Variants in KCNIP1 observed in about 807,000 individuals in gnomAD.
KCNIP1 encodes A-type potassium channel modulatory protein KCNIP1.
In KCNIP1, 18 loss-of-function variants were observed where a neutral mutation model predicts 33.0. The ratio of observed to expected loss-of-function variants is 0.55; its 90% CI spans 0.38 to 0.81. KCNIP1 has a LOEUF of 0.81. Ranked by LOEUF, KCNIP1 falls within the 30% of genes least tolerant of loss-of-function variation. The pLI, the probability that KCNIP1 is intolerant of heterozygous loss-of-function variation, is 0.00. For synonymous variants in KCNIP1, 93 were observed against 98.3 expected, an observed-to-expected ratio of 0.95 and a Z score of 0.32; for missense variants, 238 against 271.6, an observed-to-expected ratio of 0.88 and a Z score of 0.87.
chr5:170,626,693 T>G (rs530900925), intron 1 of KCNIP1, among the ~76,000 whole-genome samples: 1 of 152,008 alleles, frequency 6.6e-6, no homozygotes, highest in East Asian at 1.9e-4. Flanking sequence ...CCAGAAGGAG[T>G]AGAAGCTGGA....
intron 1 of KCNIP1, among the ~76,000 whole-genome samples, chr5:170,442,191 G>A (rs1756009327): frequency 6.6e-6 from 1 of 152,090 alleles, no homozygotes; most frequent in Non-Finnish European, 1.5e-5. Context: ...GAGCTCTGAG[G>A]CCCTTGAGGA....
At chr5:170,383,942 T>C in intron 1 of KCNIP1, 6 of 1,369,724 alleles carry the variant, frequency 4.4e-6, no homozygotes, top group Non-Finnish European at 6.0e-6. Flanking sequence ...TGGGAGCCTC[T>C]AGAGGGATCC....
rs1385116861 is a variant in KCNIP1, at chr5:170,640,165, G to A, written c.62-78593G>A. Among the ~76,000 whole-genome samples the A allele has an allele frequency of 2.6e-5, 4 of 152,224 alleles. No homozygotes were observed. In the East Asian group the frequency reaches 7.7e-4, roughly 29 times the overall value. On this transcript the variant is annotated intron_variant, in intron 1 of 7. Coordinates refer to ENST00000328939, the MANE Select transcript of KCNIP1 (RefSeq NM_014592.4). ...TTGCCACAGAGCTGGGGAACAGGGA[G>A]GTCCAACGGTGACTCCCAAGGAGCT...
intron 1 of KCNIP1, among the ~76,000 whole-genome samples, chr5:170,637,812 A>G (rs1760349245): frequency 6.6e-6 from 1 of 151,998 alleles, no homozygotes; most frequent in Non-Finnish European, 1.5e-5. Context: ...AATACATGTG[A>G]GCGATGCTGG....
At chr5:170,675,783 T>A (rs1225883194) in intron 1 of KCNIP1, among the ~76,000 whole-genome samples, 1 of 152,180 alleles carries the variant, frequency 6.6e-6, no homozygotes, top group Non-Finnish European at 1.5e-5. Flanking sequence ...CATTTTCTTA[T>A]CTATAAAACA....
intron 1 of KCNIP1, among the ~76,000 whole-genome samples, chr5:170,633,676 G>A (rs1415313674): frequency 7.9e-6 from 1 of 127,076 alleles, no homozygotes; most frequent in African/African-American, 2.9e-5. Flanking sequence ...GGCGGTGGGC[G>A]GAAGGAGGGG....
intron 1 of KCNIP1, among the ~76,000 whole-genome samples, chr5:170,508,045 G>T (rs1339166527): frequency 6.6e-6 from 1 of 152,216 alleles, no homozygotes; most frequent in Non-Finnish European, 1.5e-5. Flanking sequence ...ACCAGAGGAG[G>T]ACCATACAGG....
intron 1 of KCNIP1, among the ~76,000 whole-genome samples, chr5:170,496,899 C>T (rs888936): frequency 0.74 from 111,987 of 151,952 alleles, 41,320 homozygotes; most frequent in South Asian, 0.8. Flanking sequence ...CAGCTCCACC[C>T]TGATTTCTCC....
chr5:170,726,745 C>CAAAAAAAAAAAAA (rs57173351), intron 5 of KCNIP1, among the ~76,000 whole-genome samples: 2 of 56,680 alleles, frequency 3.5e-5, no homozygotes, highest in Admixed American at 2.1e-4. Context: ...ACTAAAAATA[C>CAAAAAAAAAAAAA]AAAAAAAAAA....
chr5:170,607,325 C>T (rs1758964466), intron 1 of KCNIP1, among the ~76,000 whole-genome samples: 1 of 152,172 alleles, frequency 6.6e-6, no homozygotes, highest in Admixed American at 6.5e-5. Context: ...GAGCTAATCC[C>T]AGTAAAAAGC....
chr5:170,631,191 G>T (rs779777974), intron 1 of KCNIP1, among the ~76,000 whole-genome samples: 6 of 152,138 alleles, frequency 3.9e-5, no homozygotes, highest in Non-Finnish European at 5.9e-5. Flanking sequence ...GTGTGTAGGG[G>T]CTGTTGTCCT....
chr5:170,502,638 T>C (rs908053734), upstream of KCNIP1, among the ~76,000 whole-genome samples: 4 of 152,222 alleles, frequency 2.6e-5, no homozygotes, highest in African/African-American at 7.2e-5. Flanking sequence ...CTTAAGGACC[T>C]GCGCCCATAT....
At position 170,475,753 on chromosome 5, in the gene KCNIP1, C is replaced by T. The variant is rs375123009; in HGVS notation, c.88+121789C>T. ...CTGATTATCTAGCCCACCTCCATGT[C>T]CTCCCCTCCTTCCCCCTACTTCCTT... On this transcript the variant is annotated intron_variant, in intron 1 of 7. Transcript: ENST00000377360. Among the ~76,000 whole-genome samples the T allele has an allele frequency of 2.0e-5, 3 of 152,208 alleles. No homozygotes were observed. In the South Asian group the frequency reaches 6.2e-4, roughly 32 times the overall value.
chr5:170,694,888 C>A (rs1000682148), intron 1 of KCNIP1, among the ~76,000 whole-genome samples: 1 of 152,216 alleles, frequency 6.6e-6, no homozygotes, highest in Non-Finnish European at 1.5e-5. Flanking sequence ...TCTGAAAAAT[C>A]TTCCAGGAGA....
At chr5:170,705,450 C>T (rs913189976) in intron 1 of KCNIP1, among the ~76,000 whole-genome samples, 2 of 152,132 alleles carry the variant, frequency 1.3e-5, no homozygotes, top group Non-Finnish European at 1.5e-5. Flanking sequence ...ATGGACTGTC[C>T]GGATTCTTAA....
chr5:170,472,530 C>G (rs1756756411), intron 1 of KCNIP1, among the ~76,000 whole-genome samples: 1 of 152,096 alleles, frequency 6.6e-6, no homozygotes, highest in African/African-American at 2.4e-5. Flanking sequence ...CACCCATCAC[C>G]CAAGCAGTAT....
intron 1 of KCNIP1, among the ~76,000 whole-genome samples, chr5:170,604,805 A>G (rs1207443218): frequency 6.6e-6 from 1 of 152,176 alleles, no homozygotes; most frequent in Non-Finnish European, 1.5e-5. Flanking sequence ...TGCACCCAAG[A>G]CAGGTTCAGC....
intron 1 of KCNIP1, among the ~76,000 whole-genome samples, chr5:170,359,019 C>G (rs976346537): frequency 6.6e-6 from 1 of 152,188 alleles, no homozygotes; most frequent in African/African-American, 2.4e-5. Context: ...AGAGCAGCCA[C>G]CTGTCATGCA....
intron 1 of KCNIP1, among the ~76,000 whole-genome samples, chr5:170,481,744 T>C (rs1159685758): frequency 6.6e-6 from 1 of 152,202 alleles, no homozygotes; most frequent in Non-Finnish European, 1.5e-5. Flanking sequence ...CTGAAGGGGC[T>C]TATGAATTTG....
Sources: gnomAD v4.1 joint callset for allele counts (sites outside exome capture counted in the v4.1 genomes callset) on GRCh38, gnomAD v4.1.1 for gene constraint, MANE v1.5 for transcripts, NCBI Gene and HGNC (gene_info 2026-07-23, HGNC 2026-07-21) for gene names.